The following WWOX variants were observed in gnomAD, a reference collection of about 807,000 sequenced individuals.
WWOX encodes the protein WW domain-containing oxidoreductase.
A neutral mutation model predicts 46.2 loss-of-function variants in WWOX; 69 were observed. That is an observed-to-expected ratio of 1.49 (90% CI 1.23 to 1.82). The LOEUF (loss-of-function observed/expected upper bound fraction) is 1.82. Among genes scored for constraint, WWOX ranks in the 40% most tolerant of loss-of-function variants. The pLI is 0.00. For missense variants in WWOX, 919 were observed against 542.6 expected, an observed-to-expected ratio of 1.69 and a Z score of -6.89; for synonymous variants, 359 against 202.6, an observed-to-expected ratio of 1.77 and a Z score of -6.56.
chr16:78,649,626 T>TG (rs2046921377), intron 8 of WWOX, among the ~76,000 whole-genome samples: 1 of 152,210 alleles, frequency 6.6e-6, no homozygotes, highest in African/African-American at 2.4e-5. Context: ...TCCCACCTCT[T>TG]AGGTTTTGCT....
chr16:79,130,265 A>G (rs1331929008), intron 8 of WWOX, among the ~76,000 whole-genome samples: 2 of 152,216 alleles, frequency 1.3e-5, no homozygotes, highest in African/African-American at 4.8e-5. Flanking sequence ...TAATTTCTAT[A>G]TAAAGTGCTT....
At chr16:79,193,616 T>A (rs921303693) in intron 8 of WWOX, among the ~76,000 whole-genome samples, 3 of 152,186 alleles carry the variant, frequency 2.0e-5, no homozygotes, top group Admixed American at 1.3e-4. Context: ...CATTCAACTT[T>A]TAAAAATATT....
intron 8 of WWOX, chr16:78,691,236 T>A: frequency 1.4e-6 from 1 of 702,234 alleles, no homozygotes; most frequent in Non-Finnish European, 2.6e-6. Flanking sequence ...TTGTTTGTGA[T>A]TCCAGGTTTC....
chr16:78,569,847 G>T (rs1198618041), intron 8 of WWOX, among the ~76,000 whole-genome samples: 1 of 152,152 alleles, frequency 6.6e-6, no homozygotes, highest in Non-Finnish European at 1.5e-5. Context: ...AATATGATGT[G>T]ACCTCATCGA....
intron 5 of WWOX, among the ~76,000 whole-genome samples, chr16:78,374,649 T>C (rs1307760030): frequency 6.7e-6 from 1 of 149,576 alleles, no homozygotes; most frequent in Non-Finnish European, 1.5e-5. Context: ...CCTCGGTTCA[T>C]GCCATTCTCC....
chr16:78,616,268 T>G (rs555935298), intron 8 of WWOX, among the ~76,000 whole-genome samples: 1 of 152,276 alleles, frequency 6.6e-6, no homozygotes, highest in African/African-American at 2.4e-5. Flanking sequence ...TTAGTTTTTT[T>G]GGGCTGCTAT....
At chr16:78,131,635 G>A (rs182487574) in intron 4 of WWOX, among the ~76,000 whole-genome samples, 1 of 151,736 alleles carries the variant, frequency 6.6e-6, no homozygotes, top group Non-Finnish European at 1.5e-5. Context: ...AGGATGGAGT[G>A]CAATGGCCCG....
chr16:78,702,428 A>G (rs1251070402), intron 8 of WWOX, among the ~76,000 whole-genome samples: 1 of 152,022 alleles, frequency 6.6e-6, no homozygotes, highest in Non-Finnish European at 1.5e-5. Context: ...AGGTGGGCAG[A>G]TCCCATGAGG....
chr16:78,768,861 A>C (rs1017380306), intron 8 of WWOX, among the ~76,000 whole-genome samples: 4 of 152,148 alleles, frequency 2.6e-5, no homozygotes, highest in Admixed American at 6.5e-5. Context: ...AAGAGAAAGG[A>C]GAGCATGACC....
At chr16:78,594,235 G>A (rs956690587) in intron 8 of WWOX, among the ~76,000 whole-genome samples, 3 of 151,994 alleles carry the variant, frequency 2.0e-5, no homozygotes, top group African/African-American at 7.2e-5. Flanking sequence ...GTATGTGTTT[G>A]TGTGTGCATC....
At position 78,960,467 on chromosome 16, in the gene WWOX, T is replaced by C. The variant is rs534401629; in HGVS notation, c.1057-251141T>C. ...GAGACTGTCACTTCATGAAAATCATTTATTTGCTTTAGCTTAAATCTACTG... is the reference window on the plus strand; with the variant it reads ...GAGACTGTCACTTCATGAAAATCATCTATTTGCTTTAGCTTAAATCTACTG... On this transcript the variant is annotated intron_variant, in intron 8 of 8. Coordinates refer to ENST00000566780, the MANE Select transcript of WWOX (RefSeq NM_016373.4). Among the ~76,000 whole-genome samples the C allele has an allele frequency of 7.2e-5, 11 of 152,330 alleles. No homozygotes were observed. The East Asian group carries it at 1.9e-3, about 27-fold the overall frequency.
chr16:78,106,424 T>G (rs1417386043), intron 1 of WWOX, among the ~76,000 whole-genome samples: 1 of 145,874 alleles, frequency 6.9e-6, no homozygotes, highest in African/African-American at 2.5e-5. Context: ...TTTTTTTGTT[T>G]TTTTTTTTTT....
At chr16:78,433,654 A>G (rs1015945755) in intron 8 of WWOX, among the ~76,000 whole-genome samples, 3 of 152,140 alleles carry the variant, frequency 2.0e-5, no homozygotes, top group Non-Finnish European at 4.4e-5. Context: ...CAAAACAACA[A>G]CAAAAGAAGA....
intron 8 of WWOX, among the ~76,000 whole-genome samples, chr16:79,166,219 G>A (rs968826810): frequency 6.6e-6 from 1 of 152,128 alleles, no homozygotes; most frequent in Non-Finnish European, 1.5e-5. Context: ...CACTTCTGGA[G>A]GCAGAGCACT....
At chr16:78,431,025 C>G (rs1338574735) in intron 7 of WWOX, among the ~76,000 whole-genome samples, 3 of 152,132 alleles carry the variant, frequency 2.0e-5, no homozygotes, top group Admixed American at 2.0e-4. Flanking sequence ...CCAGAATGAA[C>G]TTATAGAAGC....
intron 8 of WWOX, among the ~76,000 whole-genome samples, chr16:78,918,665 C>CT: frequency 6.6e-6 from 1 of 152,180 alleles, no homozygotes; most frequent in South Asian, 2.1e-4. Context: ...TTGAAATCAG[C>CT]TCCATCCTGA....
intron 8 of WWOX, among the ~76,000 whole-genome samples, chr16:78,826,964 C>T (rs7206542): frequency 0.31 from 47,049 of 151,962 alleles, 7,525 homozygotes; most frequent in Middle Eastern, 0.45. Context: ...ATGTTTCTTC[C>T]TTGCCTCTTG....
intron 8 of WWOX, among the ~76,000 whole-genome samples, chr16:79,174,952 G>C (rs1320096538): frequency 4.6e-5 from 7 of 152,184 alleles, no homozygotes; most frequent in Non-Finnish European, 7.4e-5. Context: ...TGAGGACTTG[G>C]TATTCTTACC....
At chr16:78,380,235 G>A (rs552272700) in intron 5 of WWOX, among the ~76,000 whole-genome samples, 27 of 152,258 alleles carry the variant, frequency 1.8e-4, no homozygotes, top group Non-Finnish European at 2.9e-4. Flanking sequence ...GAGGGTTGGG[G>A]GATGAGAGGA....
Sources: gnomAD v4.1 joint callset for allele counts (sites outside exome capture counted in the v4.1 genomes callset) on GRCh38, gnomAD v4.1.1 for gene constraint, MANE v1.5 for transcripts, NCBI Gene and HGNC (gene_info 2026-07-23, HGNC 2026-07-21) for gene names.